The following TAF4B variants were observed in gnomAD, a reference collection of about 807,000 sequenced individuals.
The protein encoded by TAF4B is transcription initiation factor TFIID subunit 4B.
A neutral mutation model predicts 86.4 loss-of-function variants in TAF4B; 38 were observed. The ratio of observed to expected loss-of-function variants is 0.44; its 90% CI spans 0.34 to 0.58. TAF4B has a LOEUF of 0.58. TAF4B is among the 20% of genes least tolerant of loss of function. The pLI is 0.02. For synonymous variants in TAF4B, 388 were observed against 391.2 expected (o/e 0.99, Z 0.10); for missense variants, 988 against 1,027.6 (o/e 0.96, Z 0.53).
intron 13 of TAF4B, among the ~76,000 whole-genome samples, chr18:26,341,075 C>G (rs1182340580): frequency 6.6e-6 from 1 of 150,892 alleles, no homozygotes; most frequent in Admixed American, 6.6e-5. Context: ...ACTTATTACT[C>G]TCTTAGTAGA....
rs183888259 is a variant in TAF4B at position 26,344,181 on chromosome 18, A to G, written c.2316+8950A>G. 3.4e-3 allele frequency among the ~76,000 whole-genome samples: 521 copies of G among 152,322 alleles called. 1 individual carries two copies. The highest frequency in any genetic ancestry group is 5.6e-3 in the Non-Finnish European group (384 of 68,022). ...AGCTGAATAGCGGATAGAAATGACA[A>G]GAGTCAGTTAACCCAGTCAATAAAC... On this transcript the variant is annotated intron_variant, in intron 13 of 14. Transcript: ENST00000269142.
chr18:26,370,619 A>C (rs1330895327), intron 14 of TAF4B, among the ~76,000 whole-genome samples: 3 of 152,304 alleles, frequency 2.0e-5, no homozygotes, highest in Non-Finnish European at 2.9e-5. Context: ...CTCAGGTTCC[A>C]GCAGCCCCCA....
At chr18:26,245,495 TC>T (rs2055909098) in intron 1 of TAF4B, among the ~76,000 whole-genome samples, 1 of 152,158 alleles carries the variant, frequency 6.6e-6, no homozygotes, top group Admixed American at 6.5e-5. Context: ...TATTGGCCCC[TC>T]CCATGTTCCA....
chr18:26,319,980 C>T (rs1469983652), intron 10 of TAF4B, among the ~76,000 whole-genome samples: 2 of 152,152 alleles, frequency 1.3e-5, no homozygotes, highest in African/African-American at 4.8e-5. Context: ...AGCTTTGTTA[C>T]AAGTAATGAA....
In TAF4B at chr18:26,257,895, C is replaced by T. The variant is rs568448037; in HGVS notation, c.344-7275C>T. ...TGTGTGTGTGTGTGTGTAATTATTG[C>T]TTTATACCTTGCATCTAGTTATATT... On this transcript the variant is annotated intron_variant, in intron 1 of 14. Coordinates refer to ENST00000269142, the MANE Select transcript of TAF4B (RefSeq NM_005640.3). Among the ~76,000 whole-genome samples, 119 of 139,350 alleles carry T rather than the reference C, an allele frequency of 8.5e-4. 2 individuals carry two copies. In the East Asian group the frequency reaches 0.016, roughly 19 times the overall value. 91.4% of individuals were successfully genotyped at this position (139,350 alleles called of 152,430 possible). A position where few individuals can be genotyped will look rare whatever the true frequency, so the allele number is the denominator to read the frequency against.
intron 13 of TAF4B, among the ~76,000 whole-genome samples, chr18:26,356,684 A>T (rs891130596): frequency 3.3e-5 from 5 of 151,750 alleles, no homozygotes; most frequent in Admixed American, 1.3e-4. Context: ...CCTCCATAGT[A>T]TTAATATTAA....
chr18:26,289,113 G>A (rs760409539), intron 7 of TAF4B, among the ~76,000 whole-genome samples: 5 of 152,146 alleles, frequency 3.3e-5, no homozygotes, highest in Admixed American at 6.6e-5. Context: ...ATATGGTAAT[G>A]CCATAGAGAA....
At chr18:26,229,964 AAT>A (rs72151328) in intron 1 of TAF4B, among the ~76,000 whole-genome samples, 38 of 149,556 alleles carry the variant, frequency 2.5e-4, no homozygotes, top group African/African-American at 8.0e-4. Flanking sequence ...TTAAAAAAAA[AAT>A]ATATATATAT....
chr18:26,358,958 G>C (rs915566783), intron 14 of TAF4B, among the ~76,000 whole-genome samples: 1 of 152,110 alleles, frequency 6.6e-6, no homozygotes, highest in Non-Finnish European at 1.5e-5. Flanking sequence ...AAAAATTCTA[G>C]TTCTTTTTCA....
chr18:26,275,100 A>G, intron 5 of TAF4B, 47 bp downstream of exon 5: 1 of 1,530,220 alleles, frequency 6.5e-7, no homozygotes, highest in Non-Finnish European at 8.8e-7. Flanking sequence ...AATCCATATA[A>G]CATGTTGTAA....
At position 26,391,683 on chromosome 18, in the gene TAF4B, G is replaced by A. The variant is rs567365538; in HGVS notation, c.*1671G>A. On this transcript the variant is annotated 3_prime_UTR_variant, in exon 15 of 15. Transcript: ENST00000269142. ...CATTAAAATAATTATTTTATTATAA[G>A]AATAACTTTGCTCATTCACTGACTT... 1 of 152,202 alleles carries A rather than the reference G, an allele frequency of 6.6e-6. No homozygotes were observed. The highest frequency in any genetic ancestry group is 1.5e-5 in the Non-Finnish European group (1 of 68,026). The allele number at this position is 152,202 out of a possible 1,614,324, so 9.4% of individuals were successfully genotyped here. A position where few individuals can be genotyped will look rare whatever the true frequency, so the allele number is the denominator to read the frequency against.
chr18:26,261,404 T>G (rs890729726), intron 1 of TAF4B, among the ~76,000 whole-genome samples: 3 of 152,002 alleles, frequency 2.0e-5, no homozygotes, highest in African/African-American at 7.2e-5. Flanking sequence ...GTTTCACCGT[T>G]TTAGCCGGGA....
intron 9 of TAF4B, among the ~76,000 whole-genome samples, chr18:26,305,949 CT>C (rs1002482665): frequency 2.0e-5 from 3 of 152,120 alleles, no homozygotes; most frequent in African/African-American, 7.2e-5. Flanking sequence ...AGATTCCCAT[CT>C]GAAACCATGG....
chr18:26,374,953 T>C (rs1203392979), intron 14 of TAF4B, among the ~76,000 whole-genome samples: 2 of 152,176 alleles, frequency 1.3e-5, no homozygotes, highest in Non-Finnish European at 2.9e-5. Flanking sequence ...AAATTCACTT[T>C]TGTAAAGTGT....
chr18:26,251,792 A>T (rs1395346630), intron 1 of TAF4B, among the ~76,000 whole-genome samples: 2 of 152,166 alleles, frequency 1.3e-5, no homozygotes, highest in Non-Finnish European at 2.9e-5. Flanking sequence ...ATTGCTTCTC[A>T]TTGGCATTGG....
intron 5 of TAF4B, 73 bp downstream of exon 5, chr18:26,275,126 T>G (rs774106159): frequency 1.8e-5 from 26 of 1,409,186 alleles, no homozygotes; most frequent in Non-Finnish European, 2.5e-5. Flanking sequence ...AAATGCATAT[T>G]TTTAAATGGG....
At chr18:26,289,695 C>G (rs1209254507) in intron 7 of TAF4B, among the ~76,000 whole-genome samples, 1 of 152,098 alleles carries the variant, frequency 6.6e-6, no homozygotes, top group African/African-American at 2.4e-5. Flanking sequence ...CGCTGTGTTG[C>G]CCAGGCTAGT....
rs1312233004 is a variant in TAF4B at position 26,390,995 on chromosome 18, A to G, written c.*983A>G. On this transcript the variant is annotated 3_prime_UTR_variant, in exon 15 of 15. Transcript: ENST00000269142. ...GATAGTTTTTATAGTTCCTTCTGTC[A>G]TAATATATTTTAGTTATCCTAATTT... is the stretch of plus-strand genomic sequence containing the variant. The G allele has an allele frequency of 1.3e-5, 2 of 152,220 alleles. No individual in the cohort carries two copies. The highest frequency in any genetic ancestry group is 2.4e-5 in the African/African-American group (1 of 41,456). The allele number at this position is 152,220 out of a possible 1,614,324, so 9.4% of individuals were successfully genotyped here. A position where few individuals can be genotyped will look rare whatever the true frequency, so the allele number is the denominator to read the frequency against.
At position 26,390,274 on chromosome 18, in the gene TAF4B, A is replaced by C; in HGVS notation, c.*262A>C. 1 of 329,218 alleles carries C rather than the reference A, an allele frequency of 3.0e-6. No individual in the cohort carries two copies. The highest frequency in any genetic ancestry group is 4.7e-5 in the Admixed American group (1 of 21,200). The allele number at this position is 329,218 out of a possible 1,614,324, so 20.4% of individuals were successfully genotyped here. A position where few individuals can be genotyped will look rare whatever the true frequency, so the allele number is the denominator to read the frequency against. On this transcript the variant is annotated 3_prime_UTR_variant, in exon 15 of 15. Coordinates refer to ENST00000269142, the MANE Select transcript of TAF4B (RefSeq NM_005640.3). ...ATCTGCCTATCTGTGCATTAAATTA[A>C]AGCAAGTTAAGGCCCTATTTGTTAC...
Sources: gnomAD v4.1 joint callset for allele counts (sites outside exome capture counted in the v4.1 genomes callset) on GRCh38, gnomAD v4.1.1 for gene constraint, MANE v1.5 for transcripts, NCBI Gene and HGNC (gene_info 2026-07-23, HGNC 2026-07-21) for gene names.